The following CNTNAP5 variants were observed in gnomAD, a reference collection of about 807,000 sequenced individuals.
CNTNAP5 encodes the protein contactin associated protein family member 5.
CNTNAP5 carries 72 observed loss-of-function variants against 150.2 expected under a neutral mutation model. The observed-to-expected ratio is 0.48, with a 90% confidence interval of 0.40 to 0.58. The LOEUF is 0.58. Ranked by LOEUF, CNTNAP5 falls within the 20% of genes least tolerant of loss-of-function variation. CNTNAP5 has a pLI of 0.00. For missense variants in CNTNAP5, 1,636 were observed against 1,626.2 expected, an observed-to-expected ratio of 1.01 and a Z score of -0.10; for synonymous variants, 672 against 619.8, an observed-to-expected ratio of 1.08 and a Z score of -1.25.
At chr2:124,647,986 TG>T in intron 13 of CNTNAP5, 28 bp downstream of exon 13, 2 of 1,555,534 alleles carry the variant, frequency 1.3e-6, no homozygotes, top group East Asian at 4.7e-5. Context: ...ATGACCACAG[TG>T]GGATAGATGG....
chr2:124,749,709 C>T (rs1004816005), intron 14 of CNTNAP5, among the ~76,000 whole-genome samples: 4 of 152,148 alleles, frequency 2.6e-5, no homozygotes, highest in South Asian at 2.1e-4. Flanking sequence ...CCAACGCTCC[C>T]GGCAGACTCT....
chr2:124,615,827 A>C (rs770550269), intron 12 of CNTNAP5, among the ~76,000 whole-genome samples: 1 of 152,224 alleles, frequency 6.6e-6, no homozygotes, highest in Admixed American at 6.5e-5. Context: ...TTGATCCATG[A>C]GCTGCAGAGT....
chr2:124,211,919 C>G (rs181862113), intron 1 of CNTNAP5, among the ~76,000 whole-genome samples: 1 of 152,190 alleles, frequency 6.6e-6, no homozygotes, highest in East Asian at 1.9e-4. Context: ...CGAGGATTTT[C>G]AGTGTAATTT....
chr2:124,731,800 G>C lies in CNTNAP5; in HGVS notation c.2078-15429G>C, dbSNP rs1265836690. 4.0e-5 allele frequency among the ~76,000 whole-genome samples: 6 copies of C among 150,920 alleles called. No individual in the cohort carries two copies. The East Asian group carries it at 1.2e-3, about 29-fold the overall frequency. On this transcript the variant is annotated intron_variant, in intron 13 of 23. Transcript: ENST00000682447. ...TGTATGAGTGTGAGTGTGTTTATGA[G>C]TGTATGTGTGAGTGTGCATGTATGA...
intron 13 of CNTNAP5, among the ~76,000 whole-genome samples, chr2:124,662,169 T>A (rs1678606183): frequency 6.6e-6 from 1 of 152,208 alleles, no homozygotes; most frequent in South Asian, 2.1e-4. Context: ...CATCCTTTTT[T>A]ATGGCTGCAT....
intron 21 of CNTNAP5, among the ~76,000 whole-genome samples, chr2:124,886,216 T>A (rs1433686477): frequency 6.6e-6 from 1 of 152,086 alleles, no homozygotes; most frequent in Non-Finnish European, 1.5e-5. Context: ...TTCTCAAATA[T>A]AAGTTAATGA....
At chr2:124,873,337 C>T (rs1677790867) in intron 21 of CNTNAP5, among the ~76,000 whole-genome samples, 1 of 152,078 alleles carries the variant, frequency 6.6e-6, no homozygotes, top group Admixed American at 6.6e-5. Context: ...TCACCACCCA[C>T]CAGGTCCTAC....
chr2:124,075,626 T>G (rs1192583168), intron 1 of CNTNAP5, among the ~76,000 whole-genome samples: 1 of 152,122 alleles, frequency 6.6e-6, no homozygotes. Flanking sequence ...TGTTTCCCAG[T>G]TCTGCATTTC....
intron 13 of CNTNAP5, among the ~76,000 whole-genome samples, chr2:124,667,499 C>A (rs878901332): frequency 1.3e-5 from 2 of 152,192 alleles, no homozygotes; most frequent in East Asian, 3.9e-4. Context: ...AAGTATAATG[C>A]CTCTTGCAGT....
intron 1 of CNTNAP5, among the ~76,000 whole-genome samples, chr2:124,061,182 C>A (rs574074851): frequency 1.3e-5 from 2 of 152,172 alleles, no homozygotes; most frequent in Middle Eastern, 3.2e-3. Context: ...AACAAAGCCT[C>A]GGTATTTGCC....
chr2:124,330,646 G>A (rs943803349), intron 3 of CNTNAP5, among the ~76,000 whole-genome samples: 8 of 152,080 alleles, frequency 5.3e-5, no homozygotes, highest in African/African-American at 1.9e-4. Flanking sequence ...GAGGCCTCCT[G>A]AGTAATGCAA....
At chr2:124,883,602 G>T (rs1678013542) in intron 21 of CNTNAP5, among the ~76,000 whole-genome samples, 1 of 152,056 alleles carries the variant, frequency 6.6e-6, no homozygotes, top group Non-Finnish European at 1.5e-5. Flanking sequence ...GTGTATACAT[G>T]TATATGTATG....
intron 3 of CNTNAP5, among the ~76,000 whole-genome samples, chr2:124,354,937 C>T (rs1035800256): frequency 2.0e-5 from 3 of 151,940 alleles, no homozygotes; most frequent in Admixed American, 6.6e-5. Context: ...AGGTCACTCC[C>T]ATTGAGTCTC....
At chr2:124,692,891 G>T (rs1011868605) in intron 13 of CNTNAP5, among the ~76,000 whole-genome samples, 4 of 152,054 alleles carry the variant, frequency 2.6e-5, no homozygotes, top group African/African-American at 9.7e-5. Flanking sequence ...TGATGAGTTG[G>T]CCTCTTCTTG....
intron 11 of CNTNAP5, among the ~76,000 whole-genome samples, chr2:124,598,707 T>G (rs879843152): frequency 0.022 from 3,318 of 150,656 alleles, 25 homozygotes; most frequent in African/African-American, 0.03. Context: ...GTTTACCTAA[T>G]CAAGCCTGGG....
In CNTNAP5 at chr2:124,233,042, T is replaced by G. The variant is rs202208024; in HGVS notation, c.188-9158T>G. Among the ~76,000 whole-genome samples the G allele has an allele frequency of 4.5e-4, 8 of 17,686 alleles. No individual in the cohort carries two copies. The South Asian group carries it at 0.01, about 23-fold the overall frequency. The allele number at this position is 17,686 out of a possible 152,430, so 11.6% of individuals were successfully genotyped here. The stretch of plus-strand genomic sequence containing the variant: ...TTGTGAGACTTTTTGTATCTGTGGG[T>G]TTTTTTTTTTTTCATTACAAAAGGA... On this transcript the variant is annotated intron_variant, in intron 2 of 23. Transcript: ENST00000682447.
intron 12 of CNTNAP5, among the ~76,000 whole-genome samples, chr2:124,628,133 A>G (rs1476449274): frequency 6.6e-6 from 1 of 152,204 alleles, no homozygotes; most frequent in East Asian, 1.9e-4. Context: ...CCAAGTTGTA[A>G]AACACACTTC....
At chr2:124,630,503 G>T (rs1400533808) in intron 12 of CNTNAP5, among the ~76,000 whole-genome samples, 4 of 151,998 alleles carry the variant, frequency 2.6e-5, no homozygotes, top group African/African-American at 9.7e-5. Context: ...CACAGAAAAG[G>T]CCTTCAATAA....
At chr2:124,124,839 A>T (rs1393422312) in intron 1 of CNTNAP5, among the ~76,000 whole-genome samples, 4 of 152,200 alleles carry the variant, frequency 2.6e-5, no homozygotes, top group Admixed American at 1.3e-4. Context: ...GGAGAAATAA[A>T]ATCCTTTACA....
Sources: allele counts gnomAD v4.1 joint callset (sites outside exome capture counted in the v4.1 genomes callset), GRCh38; gene constraint gnomAD v4.1.1; transcripts MANE v1.5; gene names NCBI Gene and HGNC (gene_info 2026-07-23, HGNC 2026-07-21).